AKAP6: variants seen among roughly 807,000 people sequenced by gnomAD.
The protein encoded by AKAP6 is A-kinase anchor protein 6.
A neutral mutation model predicts 188.5 loss-of-function variants in AKAP6; 58 were observed. The observed-to-expected ratio is 0.31, with a 90% CI of 0.25 to 0.38. The LOEUF is 0.38. Among genes scored for constraint, AKAP6 ranks in the 10% least tolerant of loss-of-function variants. The pLI is 1.00. For synonymous variants in AKAP6, 989 were observed against 998.6 expected (o/e 0.99, Z 0.18); for missense variants, 2,710 against 2,740.0 (o/e 0.99, Z 0.24).
chr14:32,640,897 T>A (rs1313688976), intron 7 of AKAP6, among the ~76,000 whole-genome samples: 1 of 152,108 alleles, frequency 6.6e-6, no homozygotes, highest in Non-Finnish European at 1.5e-5. Flanking sequence ...CAAACAAAAG[T>A]CTGAAGATGT....
At chr14:32,737,440 A>G (rs779660689) in intron 11 of AKAP6, among the ~76,000 whole-genome samples, 2 of 152,198 alleles carry the variant, frequency 1.3e-5, no homozygotes, top group Non-Finnish European at 2.9e-5. Context: ...AACGTAATAT[A>G]ATGTTTGTAA....
chr14:32,650,893 A>G (rs534290267), intron 7 of AKAP6, among the ~76,000 whole-genome samples: 1 of 152,320 alleles, frequency 6.6e-6, no homozygotes, highest in African/African-American at 2.4e-5. Context: ...TTATATTTTT[A>G]TAAATGTAGA....
Position 32,454,669 on chromosome 14 carries a change from T to C in AKAP6, c.324+20852T>C, listed in dbSNP as rs147494116. Among the ~76,000 whole-genome samples, 444 of 65,306 alleles carry C rather than the reference T, an allele frequency of 6.8e-3. 6 individuals carry two copies. Among genetic ancestry groups the C allele is most frequent in the African/African-American group, 9.1e-3 (169 of 18,508 alleles). The allele number at this position is 65,306 out of a possible 152,430, so 42.8% of individuals were successfully genotyped here. A position where few individuals can be genotyped will look rare whatever the true frequency, so the allele number is the denominator to read the frequency against. On this transcript the variant is annotated intron_variant, in intron 2 of 13. Transcript: ENST00000280979. ...CCTCCTTCCCTCTCTCCTTCCCTCC[T>C]TCCCTCCTTCCCTCCTTCCCTCCCT...
chr14:32,673,686 G>T (rs546999915), intron 7 of AKAP6, among the ~76,000 whole-genome samples: 1 of 152,142 alleles, frequency 6.6e-6, no homozygotes, highest in Non-Finnish European at 1.5e-5. Context: ...AGTGAGCCAC[G>T]ATTGTGTCAC....
At chr14:32,548,093 CTTTTTT>C (rs71115082) in intron 4 of AKAP6, among the ~76,000 whole-genome samples, 1,168 of 104,250 alleles carry the variant, frequency 0.011, 22 homozygotes, top group African/African-American at 0.041. Flanking sequence ...CTCCCACATG[CTTTTTT>C]TTTTTTTTTT....
At chr14:32,798,791 A>G (rs575647387) in intron 12 of AKAP6, among the ~76,000 whole-genome samples, 1 of 152,314 alleles carries the variant, frequency 6.6e-6, no homozygotes, top group East Asian at 1.9e-4. Flanking sequence ...TACCTGGGTA[A>G]CAAAATAATC....
intron 1 of AKAP6, among the ~76,000 whole-genome samples, chr14:32,338,085 T>C (rs1334915581): frequency 6.6e-6 from 1 of 152,172 alleles, no homozygotes; most frequent in Non-Finnish European, 1.5e-5. Flanking sequence ...TGTTGTTTAC[T>C]TAGAGAGTTT....
intron 1 of AKAP6, among the ~76,000 whole-genome samples, chr14:32,366,098 A>G (rs1408006545): frequency 6.6e-6 from 1 of 151,908 alleles, no homozygotes; most frequent in East Asian, 1.9e-4. Flanking sequence ...TTAAACAGCA[A>G]TCCATTGTCC....
At chr14:32,766,110 A>T (rs2032711747) in intron 11 of AKAP6, among the ~76,000 whole-genome samples, 1 of 152,174 alleles carries the variant, frequency 6.6e-6, no homozygotes, top group Non-Finnish European at 1.5e-5. Flanking sequence ...GGAATCGTAA[A>T]ATATGTGACC....
intron 2 of AKAP6, among the ~76,000 whole-genome samples, chr14:32,449,521 C>CACAAAA: frequency 9.6e-6 from 1 of 104,608 alleles, no homozygotes; most frequent in Middle Eastern, 4.7e-3. Context: ...GACTCCATCT[C>CACAAAA]AAAAAAAAAA....
At chr14:32,408,897 T>G (rs976581240) in intron 1 of AKAP6, among the ~76,000 whole-genome samples, 2 of 152,006 alleles carry the variant, frequency 1.3e-5, no homozygotes, top group Non-Finnish European at 2.9e-5. Context: ...CCCAATAAGA[T>G]TAGTTTATAT....
chr14:32,672,388 C>A (rs1349775770), intron 7 of AKAP6, among the ~76,000 whole-genome samples: 1 of 152,138 alleles, frequency 6.6e-6, no homozygotes, highest in African/African-American at 2.4e-5. Flanking sequence ...AATTATTTCT[C>A]ACAGTTCTGG....
chr14:32,381,162 C>A (rs137859998), intron 1 of AKAP6, among the ~76,000 whole-genome samples: 268 of 152,132 alleles, frequency 1.8e-3, no homozygotes, highest in African/African-American at 6.2e-3. Context: ...CATGGTGAAA[C>A]CCTGTCTCTA....
intron 7 of AKAP6, among the ~76,000 whole-genome samples, chr14:32,631,292 T>C (rs1440903441): frequency 6.6e-6 from 1 of 152,060 alleles, no homozygotes; most frequent in South Asian, 2.1e-4. Flanking sequence ...TTAGCACCAC[T>C]TCTGTGCTTA....
chr14:32,687,961 C>T (rs200592381), intron 8 of AKAP6, among the ~76,000 whole-genome samples: 4 of 151,960 alleles, frequency 2.6e-5, no homozygotes, highest in Non-Finnish European at 5.9e-5. Context: ...TGTGAAATAA[C>T]GTTAAATCGA....
intron 1 of AKAP6, among the ~76,000 whole-genome samples, chr14:32,359,575 T>C (rs1044419765): frequency 6.6e-6 from 1 of 151,866 alleles, no homozygotes; most frequent in African/African-American, 2.4e-5. Context: ...TTTTTTTTTT[T>C]TCATTAATAC....
intron 5 of AKAP6, among the ~76,000 whole-genome samples, chr14:32,589,175 C>T (rs1885374584): frequency 6.6e-6 from 1 of 152,216 alleles, no homozygotes; most frequent in Non-Finnish European, 1.5e-5. Flanking sequence ...ACTTCAAAAG[C>T]ATGAGCTATG....
intron 13 of AKAP6, among the ~76,000 whole-genome samples, chr14:32,825,500 A>T (rs2140157387): frequency 6.6e-6 from 1 of 152,374 alleles, no homozygotes; most frequent in East Asian, 1.9e-4. Flanking sequence ...TGATAAAAAC[A>T]GAATTTTTGA....
intron 1 of AKAP6, among the ~76,000 whole-genome samples, chr14:32,406,959 G>C (rs561316938): frequency 1.3e-5 from 2 of 152,304 alleles, no homozygotes; most frequent in South Asian, 4.1e-4. Flanking sequence ...GAAAACCTTG[G>C]AAGTTCTCTT....
Sources: allele counts gnomAD v4.1 joint callset (sites outside exome capture counted in the v4.1 genomes callset), GRCh38; gene constraint gnomAD v4.1.1; transcripts MANE v1.5; gene names NCBI Gene and HGNC (gene_info 2026-07-23, HGNC 2026-07-21).